MYO18B: variants seen among roughly 807,000 people sequenced by gnomAD.
The protein encoded by MYO18B is unconventional myosin-XVIIIb.
A neutral mutation model predicts 273.0 loss-of-function variants in MYO18B; 204 were observed. That is an observed-to-expected ratio of 0.75 (90% CI 0.67 to 0.84). The LOEUF is 0.84. Ranked by LOEUF, MYO18B falls within the 40% of genes least tolerant of loss-of-function variation. The pLI is 0.00. For missense variants in MYO18B, 3,212 were observed against 3,287.6 expected, an observed-to-expected ratio of 0.98 and a Z score of 0.56; for synonymous variants, 1,330 against 1,305.7, an observed-to-expected ratio of 1.02 and a Z score of -0.40.
At chr22:25,937,273 T>C (rs918422812) in intron 34 of MYO18B, among the ~76,000 whole-genome samples, 16 of 151,534 alleles carry the variant, frequency 1.1e-4, no homozygotes, top group African/African-American at 3.6e-4. Flanking sequence ...TTTGTAGAGG[T>C]GGGTCTTACC....
Position 25,948,463 on chromosome 22 carries a change from T to C in MYO18B, c.5748+635T>C, listed in dbSNP as rs200340208. Among the ~76,000 whole-genome samples the C allele has an allele frequency of 3.2e-3, 378 of 118,404 alleles. 5 individuals carry two copies. The highest frequency in any genetic ancestry group is 0.028 in the East Asian group (97 of 3,466). 77.7% of individuals were successfully genotyped at this position (118,404 alleles called of 152,430 possible). Reference sequence around the variant, plus strand: ...CCTTCCTTCCTTCCTTCCTTCCTTCTTTCTTTCTTTCTTTCTTTCTTTCTC... The same window carrying C: ...CCTTCCTTCCTTCCTTCCTTCCTTCCTTCTTTCTTTCTTTCTTTCTTTCTC... On this transcript the variant is annotated intron_variant, in intron 36 of 43. Transcript: ENST00000335473.
chr22:25,974,103 T>TA (rs1291520880), intron 39 of MYO18B, among the ~76,000 whole-genome samples: 1 of 152,226 alleles, frequency 6.6e-6, no homozygotes, highest in Non-Finnish European at 1.5e-5. Context: ...ATTTACTCAC[T>TA]AAACTCTTTT....
chr22:25,758,018 G>A (rs770992171), intron 1 of MYO18B, among the ~76,000 whole-genome samples: 6 of 152,112 alleles, frequency 3.9e-5, no homozygotes, highest in East Asian at 1.9e-4. Context: ...TTGTTTGTTC[G>A]TTTGTTTGTT....
chr22:25,792,015 G>A (rs116612158), intron 11 of MYO18B, among the ~76,000 whole-genome samples: 2,301 of 152,268 alleles, frequency 0.015, 79 homozygotes, highest in East Asian at 0.11. Context: ...CTCAGATCAC[G>A]ATTCAGATCG....
chr22:26,034,102 G>A (rs554314211), downstream of MYO18B, among the ~76,000 whole-genome samples: 7 of 152,208 alleles, frequency 4.6e-5, no homozygotes, highest in African/African-American at 1.4e-4. Context: ...ACAGGCGCCC[G>A]CCACCATGCT....
rs943810743 is a variant in MYO18B at position 26,030,435 on chromosome 22, G to T, written c.*13-8G>T. 4.5e-5 allele frequency: 7 copies of T among 154,026 alleles called. No individual in the cohort carries two copies. Among genetic ancestry groups the T allele is most frequent in the Non-Finnish European group, 8.7e-5 (6 of 69,070 alleles). 9.5% of individuals were successfully genotyped at this position (154,026 alleles called of 1,614,324 possible). Reference sequence around the variant, plus strand: ...CATTCATCAACTCTGACCTATGTTTGCTTCCAGCCTCCTTGAAGCTGCCCT... The same window carrying T: ...CATTCATCAACTCTGACCTATGTTTTCTTCCAGCCTCCTTGAAGCTGCCCT... On this transcript the variant is annotated splice_region_variant and splice_polypyrimidine_tract_variant and intron_variant, in intron 43 of 43. Coordinates refer to ENST00000335473, the MANE Select transcript of MYO18B (RefSeq NM_032608.7).
At chr22:25,842,314 GA>G (rs1300365580) in intron 17 of MYO18B, among the ~76,000 whole-genome samples, 1 of 152,158 alleles carries the variant, frequency 6.6e-6, no homozygotes, top group African/African-American at 2.4e-5. Flanking sequence ...AGCAGGATGG[GA>G]AAGCAAAGTA....
chr22:25,846,468 C>T (rs1310150969), intron 19 of MYO18B, among the ~76,000 whole-genome samples, 185 bp downstream of exon 19: 3 of 152,222 alleles, frequency 2.0e-5, no homozygotes, highest in African/African-American at 7.2e-5. Context: ...TGGCCCTGGT[C>T]ACACCCCCAG....
intron 39 of MYO18B, among the ~76,000 whole-genome samples, chr22:25,986,278 G>A (rs1336862238): frequency 6.6e-6 from 1 of 152,206 alleles, no homozygotes; most frequent in Admixed American, 6.5e-5. Context: ...AGGTGGATGA[G>A]GAGATTGTTC....
intron 16 of MYO18B, among the ~76,000 whole-genome samples, chr22:25,834,288 A>G (rs573745230): frequency 2.6e-5 from 4 of 152,086 alleles, no homozygotes; most frequent in East Asian, 1.9e-4. Context: ...CTGGGATTAC[A>G]GGCATGCACC....
At position 25,950,550 on chromosome 22, in the gene MYO18B, G is replaced by GTGTGTGTGTGTGTA. The variant is rs539614518; in HGVS notation, c.5832+101_5832+102insGTGTGTGTGTGTAT. ...TGTGTGTGTGTGTGTGTGTGTGTGTGTATGAGTTTATTGTTTGTTTATTTG... is the reference window on the plus strand; with the variant it reads ...TGTGTGTGTGTGTGTGTGTGTGTGTGTGTGTGTGTGTGTATATGAGTTTATTGTTTGTTTATTTG... On this transcript the variant is annotated intron_variant, in intron 37 of 43. Coordinates refer to ENST00000335473, the MANE Select transcript of MYO18B (RefSeq NM_032608.7). 160 of 740,506 alleles carry GTGTGTGTGTGTGTA rather than the reference G, an allele frequency of 2.2e-4. No homozygotes were observed. In the East Asian group the frequency reaches 2.8e-3, roughly 13 times the overall value. The allele number at this position is 740,506 out of a possible 1,614,324, so 45.9% of individuals were successfully genotyped here.
At chr22:25,926,793 G>C (rs2092427990) in intron 34 of MYO18B, among the ~76,000 whole-genome samples, 1 of 152,192 alleles carries the variant, frequency 6.6e-6, no homozygotes, top group Non-Finnish European at 1.5e-5. Flanking sequence ...AACAAGCAGA[G>C]TGATAAACTC....
rs2086747317 is a variant in MYO18B at position 25,772,259 on chromosome 22, TG to T, written c.1693-74del. 7.5e-6 allele frequency: 9 copies of T among 1,194,868 alleles called. No individual in the cohort carries two copies. In the East Asian group the frequency reaches 2.8e-4, roughly 37 times the overall value. 74.0% of individuals were successfully genotyped at this position (1,194,868 alleles called of 1,614,324 possible). A position where few individuals can be genotyped will look rare whatever the true frequency, so the allele number is the denominator to read the frequency against. On this transcript the variant is annotated intron_variant, in intron 6 of 43. Transcript: ENST00000335473. The stretch of plus-strand genomic sequence containing the variant: ...GAGGAGGGCTTAGTGTGTGTTTGGT[TG>T]CGGGGGGGTGGGGTGGGGGCAGGGG...
At chr22:25,908,053 G>A (rs538161898) in intron 31 of MYO18B, among the ~76,000 whole-genome samples, 170 of 146,134 alleles carry the variant, frequency 1.2e-3, no homozygotes, top group African/African-American at 4.0e-3. Context: ...AAAAAAAAGA[G>A]TGTTGAGAAG....
intron 42 of MYO18B, among the ~76,000 whole-genome samples, chr22:26,019,725 G>A (rs1935659272): frequency 6.6e-6 from 1 of 152,118 alleles, no homozygotes; most frequent in Non-Finnish European, 1.5e-5. Flanking sequence ...TAATTTCAGG[G>A]AGTGGATGAA....
chr22:25,786,611 T>C (rs368515705), intron 11 of MYO18B, among the ~76,000 whole-genome samples: 169 of 152,308 alleles, frequency 1.1e-3, no homozygotes, highest in African/African-American at 3.9e-3. Flanking sequence ...GAAAAATCTC[T>C]GTAACCCTGA....
intron 12 of MYO18B, among the ~76,000 whole-genome samples, chr22:25,816,546 A>G (rs1056884157): frequency 1.1e-4 from 16 of 139,348 alleles, no homozygotes; most frequent in African/African-American, 4.1e-4. Flanking sequence ...CCCTGTGTCA[A>G]TGTGTTCTCA....
At chr22:25,781,946 G>A in intron 10 of MYO18B, 112 bp downstream of exon 10, 1 of 703,612 alleles carries the variant, frequency 1.4e-6, no homozygotes, top group Non-Finnish European at 2.1e-6. Context: ...TGGGACCCAG[G>A]GATTAGGAAC....
intron 28 of MYO18B, 34 bp downstream of exon 28, chr22:25,895,314 G>T (rs2091773056): frequency 6.4e-7 from 1 of 1,568,600 alleles, no homozygotes; most frequent in African/African-American, 1.4e-5. Context: ...CCACAGAAGT[G>T]TTAGAGAGTG....
Sources: gnomAD v4.1 joint callset for allele counts (sites outside exome capture counted in the v4.1 genomes callset) on GRCh38, gnomAD v4.1.1 for gene constraint, MANE v1.5 for transcripts, NCBI Gene and HGNC (gene_info 2026-07-23, HGNC 2026-07-21) for gene names.